The following RASSF8 variants were observed in gnomAD, a reference collection of about 807,000 sequenced individuals.
RASSF8 encodes the protein Ras association domain family member 8.
A neutral mutation model predicts 48.5 loss-of-function variants in RASSF8; 22 were observed. That is an observed-to-expected ratio of 0.45 (90% CI 0.32 to 0.65). The LOEUF (loss-of-function observed/expected upper bound fraction) is 0.65, where lower values mean the gene tolerates loss of function less well. Among genes scored for constraint, RASSF8 ranks in the 30% least tolerant of loss-of-function variants. The pLI, the probability that RASSF8 is intolerant of heterozygous loss-of-function variation, is 0.03. For synonymous variants in RASSF8, 127 were observed against 171.5 expected (o/e 0.74, Z 2.03); for missense variants, 418 against 489.2 (o/e 0.85, Z 1.37).
chr12:26,068,024 G>T (rs1406991645), intron 5 of RASSF8, among the ~76,000 whole-genome samples: 1 of 152,124 alleles, frequency 6.6e-6, no homozygotes, highest in African/African-American at 2.4e-5. Context: ...GCCTGCCTCA[G>T]CTTCCCAAAG....
intron 1 of RASSF8, among the ~76,000 whole-genome samples, chr12:25,981,875 T>C (rs147078369): frequency 2.0e-5 from 3 of 152,338 alleles, no homozygotes; most frequent in East Asian, 3.9e-4. Context: ...AACTTTAACC[T>C]GCTCTTAGGT....
At chr12:26,036,611 A>T (rs947564489) in intron 2 of RASSF8, among the ~76,000 whole-genome samples, 3 of 152,258 alleles carry the variant, frequency 2.0e-5, no homozygotes, top group Admixed American at 2.0e-4. Flanking sequence ...TGAATTTTTT[A>T]AAAAGTGTAT....
intron 2 of RASSF8, among the ~76,000 whole-genome samples, chr12:26,032,941 A>G (rs1227985537): frequency 6.6e-6 from 1 of 152,222 alleles, no homozygotes; most frequent in Non-Finnish European, 1.5e-5. Context: ...AAGCTAAAAT[A>G]TTACATAATC....
At chr12:26,038,939 T>C (rs528074697) in intron 2 of RASSF8, among the ~76,000 whole-genome samples, 27 of 152,344 alleles carry the variant, frequency 1.8e-4, no homozygotes, top group East Asian at 1.5e-3. Context: ...TAGGACTTTT[T>C]CCCTTATTTT....
chr12:25,976,829 C>T (rs1231589536), intron 1 of RASSF8, among the ~76,000 whole-genome samples: 4 of 152,186 alleles, frequency 2.6e-5, no homozygotes, highest in African/African-American at 9.6e-5. Flanking sequence ...CTCTCTTCCC[C>T]CTGCTGCGTT....
intron 1 of RASSF8, among the ~76,000 whole-genome samples, chr12:25,985,737 A>G (rs1182320493): frequency 6.6e-6 from 1 of 152,076 alleles, no homozygotes; most frequent in Non-Finnish European, 1.5e-5. Context: ...TGGGGGAGAG[A>G]AAAAGGGGAG....
At chr12:26,038,069 A>G (rs1228949393) in intron 2 of RASSF8, among the ~76,000 whole-genome samples, 1 of 152,108 alleles carries the variant, frequency 6.6e-6, no homozygotes, top group Non-Finnish European at 1.5e-5. Context: ...TCACAGTCAT[A>G]TTGAGTTGGG....
intron 2 of RASSF8, among the ~76,000 whole-genome samples, chr12:26,029,834 A>G (rs1011770585): frequency 5.3e-5 from 8 of 152,184 alleles, no homozygotes; most frequent in African/African-American, 1.4e-4. Flanking sequence ...CCTGGCTACT[A>G]TTTATCTTTG....
intron 5 of RASSF8, among the ~76,000 whole-genome samples, 160 bp downstream of exon 5, chr12:26,067,873 C>T (rs542714504): frequency 1.3e-5 from 2 of 152,254 alleles, no homozygotes; most frequent in Middle Eastern, 3.4e-3. Context: ...TCAGGTGACC[C>T]TCCTACCTCA....
At chr12:26,032,812 A>G (rs1416542108) in intron 2 of RASSF8, among the ~76,000 whole-genome samples, 1 of 152,202 alleles carries the variant, frequency 6.6e-6, no homozygotes, top group Non-Finnish European at 1.5e-5. Context: ...GTGTCAACAT[A>G]ATTAAACAGC....
rs189042072 is a variant in RASSF8, at chr12:26,072,745, A to G, written c.*3927A>G. 77 of 948,836 alleles carry G rather than the reference A, an allele frequency of 8.1e-5. No homozygotes were observed. The highest frequency in any genetic ancestry group is 8.8e-5 in the Non-Finnish European group (70 of 796,800). The allele number at this position is 948,836 out of a possible 1,614,324, so 58.8% of individuals were successfully genotyped here. On this transcript the variant is annotated 3_prime_UTR_variant, in exon 6 of 6. Coordinates refer to ENST00000689635, the MANE Select transcript of RASSF8 (RefSeq NM_001394098.1). ...CAAATAAATCTGTAATATGTATTAT[A>G]TGTAATTATCCTTTTCTTTGACTTT...
chr12:25,964,701 C>T (rs1227375863), intron 1 of RASSF8, among the ~76,000 whole-genome samples: 4 of 152,066 alleles, frequency 2.6e-5, no homozygotes, highest in Non-Finnish European at 5.9e-5. Flanking sequence ...TAAGGTTTTA[C>T]CCTTATTTTT....
At chr12:26,009,755 A>C (rs1297704635) in intron 2 of RASSF8, among the ~76,000 whole-genome samples, 1 of 152,158 alleles carries the variant, frequency 6.6e-6, no homozygotes, top group Non-Finnish European at 1.5e-5. Flanking sequence ...TATATTTAGC[A>C]AGGTGAAGGT....
At chr12:25,960,731 A>G (rs945420495) in intron 1 of RASSF8, among the ~76,000 whole-genome samples, 4 of 152,174 alleles carry the variant, frequency 2.6e-5, no homozygotes, top group Admixed American at 1.3e-4. Flanking sequence ...GCAGTAATGC[A>G]CTGAGTTCTT....
intron 1 of RASSF8, chr12:25,959,739 C>G (rs946701216): frequency 1.3e-5 from 2 of 152,136 alleles, no homozygotes; most frequent in African/African-American, 4.8e-5. Context: ...CCGGAAGATT[C>G]AACTTGAAGG....
chr12:26,005,950 C>T (rs1942380905), intron 2 of RASSF8, among the ~76,000 whole-genome samples: 1 of 152,204 alleles, frequency 6.6e-6, no homozygotes, highest in Non-Finnish European at 1.5e-5. Context: ...CTGTCTTTGT[C>T]ATCTACTTCA....
chr12:26,025,331 G>A (rs1280076855), intron 2 of RASSF8, among the ~76,000 whole-genome samples: 1 of 152,090 alleles, frequency 6.6e-6, no homozygotes, highest in Admixed American at 6.5e-5. Context: ...GCCGAGGCGG[G>A]CAGATCACGA....
intron 3 of RASSF8, among the ~76,000 whole-genome samples, chr12:26,060,993 T>TA (rs1471998707): frequency 6.6e-6 from 1 of 152,136 alleles, no homozygotes; most frequent in African/African-American, 2.4e-5. Flanking sequence ...AAATGTCAGT[T>TA]AAAATGAAGA....
rs139246300 is a variant in RASSF8, at chr12:26,016,658, C to T, written c.-109+21528C>T. 1.0e-3 allele frequency among the ~76,000 whole-genome samples: 156 copies of T among 152,216 alleles called. 1 individual carries two copies. In the East Asian group the frequency reaches 0.018, roughly 17 times the overall value. ...AAATTTCTAAAAATCAACAGACTTC[C>T]TTCAGAGTTTAAGTTGCTTATAAAA... is the stretch of plus-strand genomic sequence containing the variant. On this transcript the variant is annotated intron_variant, in intron 2 of 5. Transcript: ENST00000689635.
Sources: allele counts gnomAD v4.1 joint callset (sites outside exome capture counted in the v4.1 genomes callset), GRCh38; gene constraint gnomAD v4.1.1; transcripts MANE v1.5; gene names NCBI Gene and HGNC (gene_info 2026-07-23, HGNC 2026-07-21).